The following PRKN variants were observed in gnomAD, a reference collection of about 807,000 sequenced individuals.
PRKN encodes E3 ubiquitin-protein ligase parkin.
PRKN carries 56 observed loss-of-function variants against 59.5 expected under a neutral mutation model. The observed-to-expected ratio is 0.94, with a 90% confidence interval of 0.76 to 1.18. The LOEUF (loss-of-function observed/expected upper bound fraction) is 1.18. PRKN is among the 50% of genes most tolerant of loss of function. The pLI is 0.00. For synonymous variants in PRKN, 250 were observed against 222.1 expected (o/e 1.13, Z -1.12); for missense variants, 657 against 596.4 (o/e 1.10, Z -1.06).
Position 162,377,115 on chromosome 6 carries a change from T to G in PRKN, c.171+66195A>C, listed in dbSNP as rs555654018. Among the ~76,000 whole-genome samples, 41 of 152,226 alleles carry G rather than the reference T, an allele frequency of 2.7e-4. No homozygotes were observed. The East Asian group carries it at 7.6e-3, about 28-fold the overall frequency. ...CTAAGAGGATGGTGGAGGGTGATGC[T>G]TTTTGTTTCTTACTCATTTCCCTGT... On this transcript the variant is annotated intron_variant, in intron 2 of 11. Transcript: ENST00000366898.
intron 4 of PRKN, among the ~76,000 whole-genome samples, chr6:162,149,221 A>G (rs751314328): frequency 5.9e-5 from 9 of 152,122 alleles, no homozygotes; most frequent in Non-Finnish European, 1.0e-4. Flanking sequence ...TTTATAAAAT[A>G]AAATATAAGA....
At chr6:162,099,578 GTAT>G (rs1483515262) in intron 4 of PRKN, among the ~76,000 whole-genome samples, 3 of 152,122 alleles carry the variant, frequency 2.0e-5, no homozygotes, top group Non-Finnish European at 4.4e-5. Flanking sequence ...TTTAATTGAA[GTAT>G]AATACATGTA....
intron 1 of PRKN, among the ~76,000 whole-genome samples, chr6:162,619,038 A>G (rs1782545946): frequency 6.6e-6 from 1 of 152,200 alleles, no homozygotes; most frequent in Non-Finnish European, 1.5e-5. Context: ...AATGACTATA[A>G]TAACTTTACA....
intron 9 of PRKN, among the ~76,000 whole-genome samples, chr6:161,476,743 G>A (rs1463101131): frequency 6.6e-6 from 1 of 152,204 alleles, no homozygotes; most frequent in Non-Finnish European, 1.5e-5. Context: ...CTGGAGATGT[G>A]CTGGAATTAG....
At chr6:162,322,698 C>T (rs1783081775) in intron 2 of PRKN, among the ~76,000 whole-genome samples, 1 of 151,950 alleles carries the variant, frequency 6.6e-6, no homozygotes, top group Non-Finnish European at 1.5e-5. Flanking sequence ...GTCTTTTAAA[C>T]AAATGGTTCT....
chr6:162,099,892 G>T (rs908770521), intron 4 of PRKN, among the ~76,000 whole-genome samples: 3 of 152,124 alleles, frequency 2.0e-5, no homozygotes, highest in Non-Finnish European at 1.5e-5. Flanking sequence ...CTCACTGAAA[G>T]TTTGCTTCCT....
At chr6:162,171,357 T>C (rs943179793) in intron 4 of PRKN, among the ~76,000 whole-genome samples, 4 of 152,082 alleles carry the variant, frequency 2.6e-5, no homozygotes, top group Non-Finnish European at 5.9e-5. Context: ...AGCAATTCTG[T>C]AAGATGTAAG....
At chr6:162,419,586 T>C in intron 2 of PRKN, among the ~76,000 whole-genome samples, 1 of 152,216 alleles carries the variant, frequency 6.6e-6, no homozygotes, top group East Asian at 1.9e-4. Context: ...AGCCCAGTCC[T>C]AGCCCTGGAA....
chr6:161,573,127 G>A (rs935869087), intron 7 of PRKN, among the ~76,000 whole-genome samples: 6 of 152,202 alleles, frequency 3.9e-5, no homozygotes, highest in Admixed American at 3.9e-4. Context: ...TAGAGTCACA[G>A]GAGAAGTTGT....
chr6:162,307,683 A>G (rs1021708088), intron 2 of PRKN, among the ~76,000 whole-genome samples: 12 of 152,170 alleles, frequency 7.9e-5, no homozygotes, highest in Admixed American at 2.0e-4. Flanking sequence ...AGATTATCCT[A>G]AATGATGGAG....
intron 1 of PRKN, among the ~76,000 whole-genome samples, chr6:162,708,720 A>G (rs553278788): frequency 4.8e-4 from 73 of 152,206 alleles, no homozygotes; most frequent in Non-Finnish European, 8.7e-4. Flanking sequence ...ACCTTCAGAA[A>G]TAACACTGCC....
At chr6:162,057,575 C>T (rs1175784193) in intron 4 of PRKN, among the ~76,000 whole-genome samples, 2 of 152,164 alleles carry the variant, frequency 1.3e-5, no homozygotes, top group Non-Finnish European at 2.9e-5. Flanking sequence ...CCTCATTTTT[C>T]TGGCTTAAAG....
intron 6 of PRKN, among the ~76,000 whole-genome samples, chr6:161,963,191 C>A (rs1257773908): frequency 6.6e-6 from 1 of 152,096 alleles, no homozygotes; most frequent in East Asian, 1.9e-4. Flanking sequence ...AAACACCCAC[C>A]AACAGAAAAT....
chr6:162,186,785 A>G (rs1003961416), intron 4 of PRKN, among the ~76,000 whole-genome samples: 9 of 152,206 alleles, frequency 5.9e-5, no homozygotes, highest in Non-Finnish European at 7.3e-5. Context: ...CTGGACAGGT[A>G]AAACATCTCA....
chr6:161,902,560 ATTTATTTT>A (rs1422231319), intron 6 of PRKN, among the ~76,000 whole-genome samples: 2 of 125,330 alleles, frequency 1.6e-5, no homozygotes, highest in African/African-American at 3.2e-5. Flanking sequence ...TTATTTATTT[ATTTATTTT>A]TTTTTTTTTG....
At chr6:161,911,699 T>TGCC (rs1778367875) in intron 6 of PRKN, among the ~76,000 whole-genome samples, 1 of 152,138 alleles carries the variant, frequency 6.6e-6, no homozygotes, top group African/African-American at 2.4e-5. Flanking sequence ...AGAAATGTAG[T>TGCC]ATATCATAAA....
chr6:161,612,996 TTCAAC>T (rs1228565600), intron 7 of PRKN, among the ~76,000 whole-genome samples: 1 of 152,146 alleles, frequency 6.6e-6, no homozygotes, highest in Non-Finnish European at 1.5e-5. Flanking sequence ...AAGGGATAAT[TTCAAC>T]TTTTGAGTCT....
chr6:161,369,368 G>A lies in PRKN; in HGVS notation c.1168-9163C>T, dbSNP rs184289852. Among the ~76,000 whole-genome samples the A allele has an allele frequency of 9.3e-4, 141 of 152,250 alleles. No individual in the cohort carries two copies. Among genetic ancestry groups the A allele is most frequent in the Non-Finnish European group, 1.6e-3 (112 of 68,010 alleles). ...AATGCCCTAAGGGGTTGCGAGGGGC[G>A]GGAGGTTTGGGAACCATTCATCCTC... is the stretch of plus-strand genomic sequence containing the variant. On this transcript the variant is annotated intron_variant, in intron 10 of 11. Coordinates refer to ENST00000366898, the MANE Select transcript of PRKN (RefSeq NM_004562.3). The surrounding 1 kb of genome is among the most constrained non-coding windows in gnomAD (Gnocchi z 5.8).
At chr6:162,081,736 C>A (rs1248784815) in intron 4 of PRKN, among the ~76,000 whole-genome samples, 1 of 152,114 alleles carries the variant, frequency 6.6e-6, no homozygotes, top group Non-Finnish European at 1.5e-5. Context: ...TCAGCCTGTT[C>A]TTTGAAGCAT....
Sources: gnomAD v4.1 joint callset for allele counts (sites outside exome capture counted in the v4.1 genomes callset) on GRCh38, gnomAD v4.1.1 for gene constraint, Gnocchi (gnomAD v3.1) non-coding constraint, MANE v1.5 for transcripts, NCBI Gene and HGNC (gene_info 2026-07-23, HGNC 2026-07-21) for gene names.